Variants in CEP70 observed in about 807,000 individuals in gnomAD.
CEP70 encodes centrosomal protein 70.
Under a neutral mutation model 90.9 loss-of-function variants are expected in CEP70, and 70 were observed. The ratio of observed to expected loss-of-function variants is 0.77; its 90% CI spans 0.64 to 0.94. The LOEUF (loss-of-function observed/expected upper bound fraction) is 0.94, where lower values mean the gene tolerates loss of function less well. Ranked by LOEUF, CEP70 falls within the 40% of genes least tolerant of loss-of-function variation. The probability of loss-of-function intolerance (pLI) is 0.00; values close to 1 mark genes in which losing one functional copy is unlikely to be tolerated. For missense variants in CEP70, 648 were observed against 669.0 expected, an observed-to-expected ratio of 0.97 and a Z score of 0.35; for synonymous variants, 220 against 228.3, an observed-to-expected ratio of 0.96 and a Z score of 0.33.
chr3:138,535,578 T>C (rs531605644), intron 7 of CEP70, among the ~76,000 whole-genome samples: 2 of 152,156 alleles, frequency 1.3e-5, no homozygotes, highest in East Asian at 3.8e-4. Context: ...GTATTTCCAA[T>C]AGGTTTAATT....
rs1282253381 is a variant in CEP70 at position 138,542,463 on chromosome 3, G to A, written c.466-5116C>T. Among the ~76,000 whole-genome samples, 3 of 152,342 alleles carry A rather than the reference G, an allele frequency of 2.0e-5. No homozygotes were observed. In the East Asian group the frequency reaches 5.8e-4, roughly 30 times the overall value. ...CCCGCAGCGCAGCAAGTCGGGGGAT[G>A]TGTTTCAGGTGGCACATGTTTCAGC... is the stretch of plus-strand genomic sequence containing the variant. On this transcript the variant is annotated intron_variant, in intron 6 of 17. Transcript: ENST00000264982.
At chr3:138,513,927 A>T (rs2035760598) in intron 11 of CEP70, among the ~76,000 whole-genome samples, 2 of 151,544 alleles carry the variant, frequency 1.3e-5, no homozygotes, top group Non-Finnish European at 2.9e-5. Context: ...CTTATTTGAC[A>T]TTGAAAGTTG....
rs1383846377 is a variant in CEP70, at chr3:138,505,362, T to G, written c.1154A>C (p.Gln385Pro). ...GVQNFNKDLV[Q>P]DCGFEHLVPV... ...AACAAGATGCTCAAATCCACAATCTTGAACAAGATCTTTATTAAAATTTTG... is the reference window on the plus strand; with the variant it reads ...AACAAGATGCTCAAATCCACAATCTGGAACAAGATCTTTATTAAAATTTTG... The change falls in exon 13 of 18, where the codon CAA (glutamine) becomes CCA (proline). Residue 385 changes from glutamine (Q) to proline (P), a missense_variant. Gln to Pro is a moderately conservative substitution (Grantham distance 76). Coordinates refer to ENST00000264982, the MANE Select transcript of CEP70 (RefSeq NM_024491.4). 1 of 1,612,740 alleles carries G rather than the reference T, an allele frequency of 6.2e-7. No homozygotes were observed. Among genetic ancestry groups the G allele is most frequent in the African/African-American group, 1.3e-5 (1 of 74,854 alleles).
chr3:138,591,046 G>C (rs2042357117), intron 2 of CEP70, among the ~76,000 whole-genome samples: 3 of 152,106 alleles, frequency 2.0e-5, no homozygotes, highest in Admixed American at 2.0e-4. Flanking sequence ...ACAAAAAATA[G>C]AAAAGTAAAG....
intron 7 of CEP70, 126 bp downstream of exon 7, chr3:138,537,052 G>A (rs1182109531): frequency 4.3e-6 from 2 of 461,624 alleles, no homozygotes; most frequent in African/African-American, 2.2e-5. Context: ...CAATGCAGAA[G>A]AGGAGGAGAG....
chr3:138,497,769 T>G (rs1390641213), intron 17 of CEP70: 1 of 985,150 alleles, frequency 1.0e-6, no homozygotes, highest in African/African-American at 1.7e-5. Context: ...AGGGTTAAAC[T>G]AGGCATGGAC....
chr3:138,545,591 G>A (rs1231200580), intron 6 of CEP70, among the ~76,000 whole-genome samples: 4 of 152,200 alleles, frequency 2.6e-5, no homozygotes, highest in Non-Finnish European at 5.9e-5. Flanking sequence ...ACTGCCTGCA[G>A]GGTCAGGCAG....
intron 8 of CEP70, among the ~76,000 whole-genome samples, chr3:138,531,215 CA>C: frequency 6.6e-6 from 1 of 152,064 alleles, no homozygotes; most frequent in Admixed American, 6.6e-5. Context: ...AATTCAATAC[CA>C]CCACTCCAAT....
intron 11 of CEP70, among the ~76,000 whole-genome samples, chr3:138,518,559 C>A (rs1417017791): frequency 6.6e-6 from 1 of 152,188 alleles, no homozygotes; most frequent in Non-Finnish European, 1.5e-5. Flanking sequence ...GCTGCTGATA[C>A]CCAGGCAAAC....
chr3:138,585,900 A>G (rs2042083064), intron 2 of CEP70, among the ~76,000 whole-genome samples: 2 of 152,224 alleles, frequency 1.3e-5, no homozygotes, highest in Admixed American at 6.5e-5. Context: ...ATCAAGACTT[A>G]AATCTAAGCC....
intron 2 of CEP70, among the ~76,000 whole-genome samples, chr3:138,585,287 T>C (rs1191568209): frequency 6.6e-6 from 1 of 152,074 alleles, no homozygotes; most frequent in Non-Finnish European, 1.5e-5. Context: ...AGTAATCCCA[T>C]TTACAATAGC....
intron 17 of CEP70, chr3:138,495,971 C>G (rs2033930068): frequency 1.0e-6 from 1 of 985,350 alleles, no homozygotes; most frequent in African/African-American, 1.7e-5. Context: ...AATCCAGGCT[C>G]TTTTTTGACA....
chr3:138,586,993 A>G (rs762658626), intron 2 of CEP70, among the ~76,000 whole-genome samples: 3 of 152,106 alleles, frequency 2.0e-5, no homozygotes, highest in Non-Finnish European at 4.4e-5. Context: ...TTTAAATTGT[A>G]AAAGTTCATA....
chr3:138,529,961 G>T lies in CEP70; in HGVS notation c.693-499C>A, dbSNP rs182374565. ...GCCTTGATAACACCACTAACTAGTT[G>T]TATTATTTGAATAAGTCAATCTCTC... On this transcript the variant is annotated intron_variant, in intron 8 of 17. Transcript: ENST00000264982. Among the ~76,000 whole-genome samples, 22 of 152,282 alleles carry T rather than the reference G, an allele frequency of 1.4e-4. No homozygotes were observed. In the East Asian group the frequency reaches 2.9e-3, roughly 20 times the overall value.
chr3:138,548,046 A>C (rs1041121845), intron 6 of CEP70, among the ~76,000 whole-genome samples: 2 of 152,216 alleles, frequency 1.3e-5, no homozygotes, highest in Non-Finnish European at 2.9e-5. Flanking sequence ...TTATCCTGAT[A>C]CCAAAGCCAG....
intron 2 of CEP70, among the ~76,000 whole-genome samples, chr3:138,584,461 C>CAAA (rs35985463): frequency 1.2e-3 from 106 of 91,872 alleles, no homozygotes; most frequent in East Asian, 1.8e-3. Context: ...AAAGACATAT[C>CAAA]AAAAAAAAAA....
rs149679373 is a variant in CEP70 at position 138,495,021 on chromosome 3, T to C, written c.1788A>G (p.Ser596=). The C allele has an allele frequency of 2.4e-5, 35 of 1,485,564 alleles. No homozygotes were observed. In the East Asian group the frequency reaches 3.6e-4, roughly 15 times the overall value. 92.0% of individuals were successfully genotyped at this position (1,485,564 alleles called of 1,614,324 possible). A position where few individuals can be genotyped will look rare whatever the true frequency, so the allele number is the denominator to read the frequency against. The change falls in exon 18 of 18, where the codon TCA becomes TCG. Residue 596 remains serine (S), a synonymous_variant. Transcript: ENST00000264982. The part of the protein sequence containing the change: ...VPAVKKLKVL[S]Y ...AAAATGATTTGATTTGTTTTCAGTA[T>C]GAAAGTACTTTTAATTTCTTTACTG...
At chr3:138,568,991 AAAC>A (rs1481051669) in intron 6 of CEP70, among the ~76,000 whole-genome samples, 146 of 120,684 alleles carry the variant, frequency 1.2e-3, no homozygotes, top group African/African-American at 4.4e-3. Context: ...CTAAAAAAAC[AAAC>A]AAAAAAAAAA....
At chr3:138,505,843 T>C (rs1218518732) in intron 12 of CEP70, among the ~76,000 whole-genome samples, 2 of 152,174 alleles carry the variant, frequency 1.3e-5, no homozygotes, top group African/African-American at 4.8e-5. Flanking sequence ...CTTTGAATCA[T>C]TGGATGAGGC....
Sources: allele counts gnomAD v4.1 joint callset (sites outside exome capture counted in the v4.1 genomes callset), GRCh38; gene constraint gnomAD v4.1.1; transcripts MANE v1.5; gene names NCBI Gene and HGNC (gene_info 2026-07-23, HGNC 2026-07-21).